Variants in RNF217 observed in about 807,000 individuals in gnomAD.
RNF217 encodes E3 ubiquitin-protein ligase RNF217.
A neutral mutation model predicts 57.8 loss-of-function variants in RNF217; 31 were observed. That is an observed-to-expected ratio of 0.54 (90% confidence interval 0.40 to 0.72). RNF217 has a LOEUF of 0.72. Among genes scored for constraint, RNF217 ranks in the 30% least tolerant of loss-of-function variants. RNF217 has a pLI of 0.00. For synonymous variants in RNF217, 313 were observed against 294.0 expected, an observed-to-expected ratio of 1.06 and a Z score of -0.66; for missense variants, 696 against 708.3, an observed-to-expected ratio of 0.98 and a Z score of 0.20.
Position 125,081,391 on chromosome 6 carries a change from G to A in RNF217, c.1484-45G>A, listed in dbSNP as rs185975247. ...AAGCATCACTGTAATTATTTGGTAG[G>A]TTAGTTTTAAGACTCCTTAAATAAT... On this transcript the variant is annotated intron_variant, in intron 4 of 5. Transcript: ENST00000521654. The A allele has an allele frequency of 9.1e-6, 13 of 1,423,080 alleles. No homozygotes were observed. The East Asian group carries it at 2.3e-4, about 25-fold the overall frequency. 88.2% of individuals were successfully genotyped at this position (1,423,080 alleles called of 1,614,324 possible). A position where few individuals can be genotyped will look rare whatever the true frequency, so the allele number is the denominator to read the frequency against.
At chr6:125,049,643 C>CG (rs1268691474) in intron 2 of RNF217, among the ~76,000 whole-genome samples, 6 of 151,780 alleles carry the variant, frequency 4.0e-5, no homozygotes, top group African/African-American at 1.5e-4. Flanking sequence ...TAAATGAAAT[C>CG]ACACATATAA....
At chr6:125,019,791 C>A (rs1156651354) in intron 1 of RNF217, among the ~76,000 whole-genome samples, 1 of 151,350 alleles carries the variant, frequency 6.6e-6, no homozygotes, top group East Asian at 1.9e-4. Context: ...CTCCTGGATT[C>A]CATGTTGCCT....
intron 4 of RNF217, among the ~76,000 whole-genome samples, chr6:125,078,494 G>A (rs1312400967): frequency 6.6e-6 from 1 of 152,044 alleles, no homozygotes; most frequent in African/African-American, 2.4e-5. Flanking sequence ...TCTGGTGAGG[G>A]CCTTTGTGCT....
chr6:125,039,904 G>A (rs1394690345), intron 1 of RNF217, among the ~76,000 whole-genome samples: 2 of 152,058 alleles, frequency 1.3e-5, no homozygotes, highest in Non-Finnish European at 2.9e-5. Context: ...AACCAGTAAG[G>A]ACAAAGAGAC....
At chr6:125,061,727 A>C (rs1339305225) in intron 3 of RNF217, among the ~76,000 whole-genome samples, 1 of 151,826 alleles carries the variant, frequency 6.6e-6, no homozygotes, top group Non-Finnish European at 1.5e-5. Context: ...TCAAATACAC[A>C]AGCACATATG....
In RNF217 at chr6:125,035,415, A is replaced by G. The variant is rs539622527; in HGVS notation, c.883-9796A>G. Among the ~76,000 whole-genome samples the G allele has an allele frequency of 3.0e-4, 46 of 152,338 alleles. No homozygotes were observed. In the East Asian group the frequency reaches 8.7e-3, roughly 29 times the overall value. On this transcript the variant is annotated intron_variant, in intron 1 of 5. Transcript: ENST00000521654. ...CCAATATTCAACATTCTTAAAGAAA[A>G]GAATTTTCAACCCAGAATTTCATAT... is the stretch of plus-strand genomic sequence containing the variant.
intron 1 of RNF217, among the ~76,000 whole-genome samples, chr6:124,974,091 G>A (rs78783433): frequency 0.019 from 2,931 of 152,264 alleles, 40 homozygotes; most frequent in Middle Eastern, 0.044. Context: ...AAGGGATGTG[G>A]AAGCTGCATG....
chr6:124,966,678 C>A (rs1783555573), intron 1 of RNF217, among the ~76,000 whole-genome samples: 1 of 152,138 alleles, frequency 6.6e-6, no homozygotes, highest in South Asian at 2.1e-4. Context: ...GTGAGTTGGA[C>A]TATTGCCTGG....
intron 1 of RNF217, among the ~76,000 whole-genome samples, chr6:125,030,059 C>T (rs1335456618): frequency 6.6e-6 from 1 of 152,054 alleles, no homozygotes; most frequent in Non-Finnish European, 1.5e-5. Flanking sequence ...TACATGGCAG[C>T]AGCAAGAGAA....
chr6:124,978,094 A>G (rs1464910409), intron 1 of RNF217, among the ~76,000 whole-genome samples: 9 of 152,126 alleles, frequency 5.9e-5, no homozygotes, highest in Admixed American at 5.9e-4. Context: ...AAGATAAACA[A>G]TGTGTCCCTA....
At chr6:125,018,173 A>G (rs988934642) in intron 1 of RNF217, among the ~76,000 whole-genome samples, 2 of 152,190 alleles carry the variant, frequency 1.3e-5, no homozygotes, top group Admixed American at 1.3e-4. Context: ...GAGGTAGTGT[A>G]GAATCATATA....
intron 4 of RNF217, among the ~76,000 whole-genome samples, chr6:125,079,975 G>A (rs2114651829): frequency 6.6e-6 from 1 of 152,110 alleles, no homozygotes; most frequent in Middle Eastern, 3.5e-3. Context: ...ATTGGAATAA[G>A]TTTATTTCCT....
At position 125,087,541 on chromosome 6, in the gene RNF217, A is replaced by G. The variant is rs1239543383; in HGVS notation, c.*4604A>G. ...CCATTTAAATAATGACAAAGCAATC[A>G]ATGCATACATTTCAATGGAGACAGT... On this transcript the variant is annotated 3_prime_UTR_variant, in exon 6 of 6. Coordinates refer to ENST00000521654, the MANE Select transcript of RNF217 (RefSeq NM_001286398.3). The G allele has an allele frequency of 3.3e-5, 5 of 152,176 alleles. No individual in the cohort carries two copies. Among genetic ancestry groups the G allele is most frequent in the Non-Finnish European group, 2.9e-5 (2 of 68,016 alleles). 9.4% of individuals were successfully genotyped at this position (152,176 alleles called of 1,614,324 possible). A position where few individuals can be genotyped will look rare whatever the true frequency, so the allele number is the denominator to read the frequency against.
intron 3 of RNF217, among the ~76,000 whole-genome samples, chr6:125,063,567 A>G (rs773106136): frequency 6.6e-6 from 1 of 152,074 alleles, no homozygotes; most frequent in African/African-American, 2.4e-5. Flanking sequence ...CTATAAATAT[A>G]TTGTCTCATC....
At chr6:125,066,572 A>G (rs1486087905) in intron 3 of RNF217, among the ~76,000 whole-genome samples, 2 of 152,162 alleles carry the variant, frequency 1.3e-5, no homozygotes, top group Non-Finnish European at 2.9e-5. Flanking sequence ...AGGAAAATTC[A>G]GCTTCTCAGT....
chr6:124,967,150 T>C (rs982636428), intron 1 of RNF217, among the ~76,000 whole-genome samples: 2 of 152,200 alleles, frequency 1.3e-5, no homozygotes, highest in Non-Finnish European at 2.9e-5. Flanking sequence ...ATCTGGAACA[T>C]TCATTTCAGA....
In RNF217 at chr6:124,971,563, C is replaced by A. The variant is rs143235646; in HGVS notation, c.882+8137C>A. On this transcript the variant is annotated intron_variant, in intron 1 of 5. Coordinates refer to ENST00000521654, the MANE Select transcript of RNF217 (RefSeq NM_001286398.3). Reference sequence around the variant, plus strand: ...CTCCACATCCCAGGTTCAAGCGATTCTCCTGCCTCAGCCTTCCGAGTAGTT... The same window carrying A: ...CTCCACATCCCAGGTTCAAGCGATTATCCTGCCTCAGCCTTCCGAGTAGTT... 4.0e-3 allele frequency: 1,034 copies of A among 258,598 alleles called. 10 individuals carry two copies. Among genetic ancestry groups the A allele is most frequent in the African/African-American group, 0.023 (974 of 43,248 alleles). The allele number at this position is 258,598 out of a possible 1,614,324, so 16.0% of individuals were successfully genotyped here. A position where few individuals can be genotyped will look rare whatever the true frequency, so the allele number is the denominator to read the frequency against.
intron 1 of RNF217, among the ~76,000 whole-genome samples, chr6:124,994,469 G>C (rs1784674762): frequency 3.9e-5 from 6 of 152,088 alleles, no homozygotes; most frequent in Admixed American, 3.9e-4. Flanking sequence ...CAAATTTCCA[G>C]TTGCCTCATG....
intron 1 of RNF217, among the ~76,000 whole-genome samples, chr6:125,039,686 A>G (rs955492317): frequency 6.6e-6 from 1 of 152,198 alleles, no homozygotes; most frequent in African/African-American, 2.4e-5. Context: ...AAAATCAACC[A>G]CATAAATGGA....
Sources: gnomAD v4.1 joint callset for allele counts (sites outside exome capture counted in the v4.1 genomes callset) on GRCh38, gnomAD v4.1.1 for gene constraint, MANE v1.5 for transcripts, NCBI Gene and HGNC (gene_info 2026-07-23, HGNC 2026-07-21) for gene names.